Variants in EYS observed in about 807,000 individuals in gnomAD.
The protein encoded by EYS is EGF-like photoreceptor maintenance factor.
Under a neutral mutation model 282.1 loss-of-function variants are expected in EYS, and 250 were observed. The ratio of observed to expected loss-of-function variants is 0.89; its 90% CI spans 0.80 to 0.98. The LOEUF (loss-of-function observed/expected upper bound fraction) is 0.98, where lower values mean the gene tolerates loss of function less well. Ranked by LOEUF, EYS falls within the 50% of genes least tolerant of loss-of-function variation. EYS has a pLI of 0.00. For missense variants in EYS, 4,016 were observed against 3,709.0 expected (o/e 1.08, Z -2.15); for synonymous variants, 1,355 against 1,282.9 (o/e 1.06, Z -1.20).
rs888515279 is a variant in EYS, at chr6:64,074,655, A to G, written c.6571+7201T>C. On this transcript the variant is annotated intron_variant, in intron 32 of 42. Transcript: ENST00000503581. The stretch of plus-strand genomic sequence containing the variant: ...ATCGGTTTGAATTAAATAAAATCTA[A>G]CATCATTCCTTATAGAATTAATAGT... 2.0e-5 allele frequency among the ~76,000 whole-genome samples: 3 copies of G among 151,830 alleles called. No individual in the cohort carries two copies. In the South Asian group the frequency reaches 6.2e-4, roughly 31 times the overall value.
In EYS at chr6:63,748,977, A is replaced by G. The variant is rs150983435; in HGVS notation, c.8071+13484T>C. On this transcript the variant is annotated intron_variant, in intron 41 of 42. Transcript: ENST00000503581. ...CTTTTGAATGATTTTTTGTGTCTCA[A>G]TCTCCTTCAGTTCAGCTCTGATTTT... is the stretch of plus-strand genomic sequence containing the variant. Among the ~76,000 whole-genome samples, 852 of 151,170 alleles carry G rather than the reference A, an allele frequency of 5.6e-3. 5 individuals are homozygous for G. Among genetic ancestry groups the G allele is most frequent in the African/African-American group, 0.02 (819 of 41,194 alleles).
At chr6:64,211,685 A>AG (rs200782892) in intron 31 of EYS, among the ~76,000 whole-genome samples, 1 of 146,308 alleles carries the variant, frequency 6.8e-6, no homozygotes, top group African/African-American at 2.5e-5. Flanking sequence ...ATACATAATT[A>AG]TATATGAATT....
intron 1 of EYS, among the ~76,000 whole-genome samples, chr6:65,667,526 C>T (rs969268): frequency 0.16 from 23,793 of 151,736 alleles, 2,024 homozygotes; most frequent in South Asian, 0.3. Flanking sequence ...GATCTTAACT[C>T]AGTGACGCCT....
intron 2 of EYS, among the ~76,000 whole-genome samples, chr6:65,575,943 T>A (rs1461862514): frequency 6.6e-6 from 1 of 152,034 alleles, no homozygotes; most frequent in African/African-American, 2.4e-5. Context: ...ATTAAATCAG[T>A]AATGAATATT....
intron 22 of EYS, among the ~76,000 whole-genome samples, chr6:64,755,529 C>G (rs2149973628): frequency 6.6e-6 from 1 of 151,712 alleles, no homozygotes; most frequent in Non-Finnish European, 1.5e-5. Context: ...CACACACACA[C>G]ACACACACAC....
intron 13 of EYS, among the ~76,000 whole-genome samples, chr6:65,028,889 T>G (rs867085186): frequency 2.0e-5 from 3 of 152,170 alleles, no homozygotes; most frequent in Non-Finnish European, 2.9e-5. Context: ...GTTGATTTTC[T>G]GCTATAAGGA....
rs1182683361 is a variant in EYS at position 64,626,255 on chromosome 6, A to G, written c.3444-10T>C. On this transcript the variant is annotated splice_polypyrimidine_tract_variant and intron_variant, in intron 22 of 42. Coordinates refer to ENST00000503581, the MANE Select transcript of EYS (RefSeq NM_001142800.2). The stretch of plus-strand genomic sequence containing the variant: ...AAATCCAGGAAGACATCTAAGGAAA[A>G]AAAATGAAAACGATATTTGTATATA... The G allele has an allele frequency of 1.3e-6, 2 of 1,517,734 alleles. No homozygotes were observed. The highest frequency in any genetic ancestry group is 1.4e-5 in the African/African-American group (1 of 70,846). 94.0% of individuals were successfully genotyped at this position (1,517,734 alleles called of 1,614,324 possible). A position where few individuals can be genotyped will look rare whatever the true frequency, so the allele number is the denominator to read the frequency against.
chr6:64,214,904 T>C (rs1355411970), intron 31 of EYS, among the ~76,000 whole-genome samples: 4 of 152,000 alleles, frequency 2.6e-5, no homozygotes, highest in African/African-American at 7.2e-5. Context: ...GTATGTAATA[T>C]ATATGTAAAA....
intron 12 of EYS, among the ~76,000 whole-genome samples, chr6:65,184,324 G>T (rs1319835565): frequency 6.6e-6 from 1 of 151,736 alleles, no homozygotes; most frequent in African/African-American, 2.4e-5. Flanking sequence ...TGGCAGAAAG[G>T]CAAACAGTAG....
At chr6:65,082,081 T>C (rs1038763133) in intron 12 of EYS, among the ~76,000 whole-genome samples, 4 of 152,110 alleles carry the variant, frequency 2.6e-5, no homozygotes, top group African/African-American at 9.7e-5. Context: ...ACAGTTCTCA[T>C]TCTCAATCAC....
intron 12 of EYS, among the ~76,000 whole-genome samples, chr6:65,077,977 G>C (rs1774106266): frequency 6.6e-6 from 1 of 152,078 alleles, no homozygotes; most frequent in Admixed American, 6.6e-5. Context: ...CAGATGAAAA[G>C]CTGTCAGAAA....
At chr6:64,966,133 T>C (rs1770087484) in intron 14 of EYS, among the ~76,000 whole-genome samples, 1 of 152,182 alleles carries the variant, frequency 6.6e-6, no homozygotes, top group Non-Finnish European at 1.5e-5. Context: ...TGATTTCTTA[T>C]GAGTGAATTA....
At chr6:63,780,006 T>C (rs1321449926) in intron 39 of EYS, among the ~76,000 whole-genome samples, 1 of 152,216 alleles carries the variant, frequency 6.6e-6, no homozygotes, top group East Asian at 1.9e-4. Context: ...TGTTTGGTTT[T>C]CTGTCCTTGG....
intron 12 of EYS, among the ~76,000 whole-genome samples, chr6:65,124,841 T>C (rs1270092266): frequency 6.6e-6 from 1 of 152,210 alleles, no homozygotes. Flanking sequence ...ACACCTCTTT[T>C]GTATTCAACT....
chr6:65,591,623 T>G (rs1304911447), intron 2 of EYS, among the ~76,000 whole-genome samples: 1 of 152,002 alleles, frequency 6.6e-6, no homozygotes. Flanking sequence ...AATTTACTAA[T>G]TTAACCTCTT....
intron 22 of EYS, among the ~76,000 whole-genome samples, chr6:64,709,442 T>C (rs1004680715): frequency 1.3e-5 from 2 of 152,158 alleles, no homozygotes; most frequent in Non-Finnish European, 2.9e-5. Context: ...TTTTTCTCTC[T>C]TTATATTCTT....
At chr6:65,366,142 AG>A (rs1764906313) in intron 8 of EYS, among the ~76,000 whole-genome samples, 2 of 151,646 alleles carry the variant, frequency 1.3e-5, no homozygotes, top group South Asian at 4.1e-4. Flanking sequence ...AAATTAGTAA[AG>A]TATGTACACA....
chr6:64,686,777 A>ATATATATATGTG lies in EYS; in HGVS notation c.3444-60533_3444-60532insCACATATATATA, dbSNP rs1562133738. The stretch of plus-strand genomic sequence containing the variant: ...TATATATATATGTGTGTATATATAT[A>ATATATATATGTG]TATATATATATGTGTGTATATATAT... On this transcript the variant is annotated intron_variant, in intron 22 of 42. Coordinates refer to ENST00000503581, the MANE Select transcript of EYS (RefSeq NM_001142800.2). 3.6e-3 allele frequency among the ~76,000 whole-genome samples: 76 copies of ATATATATATGTG among 21,338 alleles called. 9 individuals are homozygous for ATATATATATGTG. Among genetic ancestry groups the ATATATATATGTG allele is most frequent in the East Asian group, 0.011 (10 of 878 alleles). 14.0% of individuals were successfully genotyped at this position (21,338 alleles called of 152,430 possible). A position where few individuals can be genotyped will look rare whatever the true frequency, so the allele number is the denominator to read the frequency against.
intron 12 of EYS, among the ~76,000 whole-genome samples, chr6:65,270,619 T>C (rs1352633612): frequency 6.6e-6 from 1 of 152,180 alleles, no homozygotes. Context: ...AAGTCATTTA[T>C]CTCATCACAC....
Sources: gnomAD v4.1 joint callset for allele counts (sites outside exome capture counted in the v4.1 genomes callset) on GRCh38, gnomAD v4.1.1 for gene constraint, MANE v1.5 for transcripts, NCBI Gene and HGNC (gene_info 2026-07-23, HGNC 2026-07-21) for gene names.